The following LRP1B variants were observed in gnomAD, a reference collection of about 807,000 sequenced individuals.
LRP1B encodes low-density lipoprotein receptor-related protein 1B.
Under a neutral mutation model 556.6 loss-of-function variants are expected in LRP1B, and 217 were observed. That is an observed-to-expected ratio of 0.39 (90% CI 0.35 to 0.44). LRP1B has a LOEUF of 0.44. Among genes scored for constraint, LRP1B ranks in the 20% least tolerant of loss-of-function variants. The pLI is 1.00. For synonymous variants in LRP1B, 2,047 were observed against 1,865.8 expected (o/e 1.10, Z -2.50); for missense variants, 5,053 against 5,620.8 (o/e 0.90, Z 3.23).
chr2:141,934,784 C>T (rs961033605), intron 1 of LRP1B, among the ~76,000 whole-genome samples: 3 of 152,128 alleles, frequency 2.0e-5, no homozygotes, highest in Non-Finnish European at 2.9e-5. Context: ...GTTTGCTTAC[C>T]CTTCTGCCAT....
intron 2 of LRP1B, among the ~76,000 whole-genome samples, chr2:141,701,006 G>A (rs1166399485): frequency 2.6e-5 from 4 of 151,648 alleles, no homozygotes; most frequent in Non-Finnish European, 5.9e-5. Context: ...AAATTTCTTA[G>A]AATCTAATTC....
chr2:140,521,247 C>T (rs138957580), intron 49 of LRP1B, among the ~76,000 whole-genome samples: 188 of 152,108 alleles, frequency 1.2e-3, no homozygotes, highest in African/African-American at 4.0e-3. Flanking sequence ...GCACAGCACA[C>T]GGTCATTGGG....
intron 77 of LRP1B, among the ~76,000 whole-genome samples, chr2:140,344,840 G>GTATT (rs1681570736): frequency 2.0e-5 from 3 of 151,614 alleles, no homozygotes. Context: ...TGAGCCTGGG[G>GTATT]TATTTCATTA....
intron 1 of LRP1B, among the ~76,000 whole-genome samples, chr2:141,906,267 A>C (rs1169812221): frequency 1.3e-5 from 2 of 151,868 alleles, no homozygotes; most frequent in Non-Finnish European, 2.9e-5. Flanking sequence ...ACAGAACAAA[A>C]AAAAACAAAA....
At position 140,601,235 on chromosome 2, in the gene LRP1B, A is replaced by T. The variant is rs190636719; in HGVS notation, c.6989+215T>A. On this transcript the variant is annotated intron_variant, in intron 42 of 90. Coordinates refer to ENST00000389484, the MANE Select transcript of LRP1B (RefSeq NM_018557.3). ...CCTTTAATTATTTAAATTTGTTTTT[A>T]CTGGATCTCTCAGGAAGATGAAGCC... 7.5e-4 allele frequency among the ~76,000 whole-genome samples: 114 copies of T among 152,024 alleles called. 1 individual carries two copies. Among genetic ancestry groups the T allele is most frequent in the African/African-American group, 2.6e-3 (109 of 41,460 alleles).
At position 142,054,987 on chromosome 2, in the gene LRP1B, C is replaced by A. The variant is rs374201297; in HGVS notation, c.82+75661G>T. Among the ~76,000 whole-genome samples the A allele has an allele frequency of 5.3e-5, 8 of 152,028 alleles. No individual in the cohort carries two copies. The East Asian group carries it at 5.8e-4, about 11-fold the overall frequency. On this transcript the variant is annotated intron_variant, in intron 1 of 90. Transcript: ENST00000389484. Reference sequence around the variant, plus strand: ...AATCTTGTCTTTAGAGTTAGTGAGCCATAGAGAAAAGCTCACTGTGTGAGA... The same window carrying A: ...AATCTTGTCTTTAGAGTTAGTGAGCAATAGAGAAAAGCTCACTGTGTGAGA...
intron 27 of LRP1B, among the ~76,000 whole-genome samples, chr2:140,864,482 C>T (rs1167232315): frequency 6.6e-6 from 1 of 151,868 alleles, no homozygotes; most frequent in Admixed American, 6.6e-5. Context: ...CACATTGAGA[C>T]TAACAACTGT....
At position 140,494,990 on chromosome 2, in the gene LRP1B, C is replaced by T. The variant is rs560620146; in HGVS notation, c.9034+575G>A. Among the ~76,000 whole-genome samples the T allele has an allele frequency of 1.6e-4, 25 of 152,146 alleles. No individual in the cohort carries two copies. The South Asian group carries it at 4.8e-3, about 29-fold the overall frequency. On this transcript the variant is annotated intron_variant, in intron 56 of 90. Coordinates refer to ENST00000389484, the MANE Select transcript of LRP1B (RefSeq NM_018557.3). ...TATCATTTTAATATCTGTGATTTCT[C>T]TCCTAAAGAATTAAAGTTATGGGCC...
In LRP1B at chr2:141,421,528, C is replaced by CAAAA. The variant is rs34839214; in HGVS notation, c.343+58864_343+58867dup. 2.8e-3 allele frequency among the ~76,000 whole-genome samples: 388 copies of CAAAA among 138,254 alleles called. 4 individuals are homozygous for CAAAA. Among genetic ancestry groups the CAAAA allele is most frequent in the Middle Eastern group, 0.026 (7 of 268 alleles). The allele number at this position is 138,254 out of a possible 152,430, so 90.7% of individuals were successfully genotyped here. ...TGGGCGACAGAGCGAGACTCTGTCT[C>CAAAA]AAAAAAAAAAAAAAAAATTTACCTC... On this transcript the variant is annotated intron_variant, in intron 3 of 90. Transcript: ENST00000389484.
intron 3 of LRP1B, among the ~76,000 whole-genome samples, chr2:141,315,799 A>G (rs1420813893): frequency 3.5e-5 from 5 of 143,710 alleles, no homozygotes; most frequent in African/African-American, 1.3e-4. Flanking sequence ...GTTTTGTTTT[A>G]ATTGCCTCTG....
Position 141,055,210 on chromosome 2 carries a change from A to G in LRP1B, c.1458T>C (p.Cys486=), listed in dbSNP as rs773923902. The change falls in exon 10 of 91, where the codon TGT becomes TGC. Residue 486 remains cysteine, a synonymous_variant. Coordinates refer to ENST00000389484, the MANE Select transcript of LRP1B (RefSeq NM_018557.3). The part of the protein sequence containing the change: ...EVDPYGMPGG[C]SHICLLSSSY... ...TGCTGCTGAGTAGACAGATGTGTGA[A>G]CAGCCCCCTGGCATTCCATATGGAT... 1 of 1,612,168 alleles carries G rather than the reference A, an allele frequency of 6.2e-7. No individual in the cohort carries two copies. Among genetic ancestry groups the G allele is most frequent in the South Asian group, 1.1e-5 (1 of 90,960 alleles).
intron 87 of LRP1B, among the ~76,000 whole-genome samples, chr2:140,244,183 G>T (rs1048223145): frequency 6.6e-6 from 1 of 150,866 alleles, no homozygotes; most frequent in Middle Eastern, 3.2e-3. Context: ...ACATTATTTT[G>T]TTGTGTTTTT....
chr2:141,442,945 G>A (rs1681040396), intron 3 of LRP1B, among the ~76,000 whole-genome samples: 1 of 152,140 alleles, frequency 6.6e-6, no homozygotes, highest in Non-Finnish European at 1.5e-5. Context: ...TATATATCCA[G>A]TAATGGGATT....
chr2:140,964,858 G>T (rs1365409852), intron 18 of LRP1B, among the ~76,000 whole-genome samples: 1 of 152,178 alleles, frequency 6.6e-6, no homozygotes, highest in South Asian at 2.1e-4. Context: ...GGAGGCTGAG[G>T]CAGGAGAATC....
chr2:141,887,749 C>T (rs1482838733), intron 1 of LRP1B, among the ~76,000 whole-genome samples: 1 of 152,156 alleles, frequency 6.6e-6, no homozygotes, highest in Non-Finnish European at 1.5e-5. Context: ...CCACAAATAT[C>T]GATCATCACC....
chr2:141,763,567 TTTTTGTTAATG>T (rs1694633123), intron 2 of LRP1B, among the ~76,000 whole-genome samples: 1 of 152,152 alleles, frequency 6.6e-6, no homozygotes, highest in Non-Finnish European at 1.5e-5. Context: ...GATGGTAAGT[TTTTTGTTAATG>T]TTTTGTTTGT....
chr2:141,132,807 A>G (rs1701392487), intron 7 of LRP1B, among the ~76,000 whole-genome samples: 1 of 152,084 alleles, frequency 6.6e-6, no homozygotes, highest in Admixed American at 6.6e-5. Flanking sequence ...TGTGTGATAC[A>G]CAAATATAAA....
chr2:140,474,612 C>T (rs949908746), intron 60 of LRP1B, among the ~76,000 whole-genome samples: 2 of 151,824 alleles, frequency 1.3e-5, no homozygotes, highest in Admixed American at 1.3e-4. Flanking sequence ...CTGCTATATC[C>T]GTGTCATGTT....
chr2:140,350,654 C>T (rs1681915000), intron 77 of LRP1B, 143 bp downstream of exon 77: 2 of 684,434 alleles, frequency 2.9e-6, no homozygotes, highest in Non-Finnish European at 4.5e-6. Flanking sequence ...TAGAGAAATG[C>T]ATTATTTCTA....
Sources: allele counts gnomAD v4.1 joint callset (sites outside exome capture counted in the v4.1 genomes callset), GRCh38; gene constraint gnomAD v4.1.1; transcripts MANE v1.5; gene names NCBI Gene and HGNC (gene_info 2026-07-23, HGNC 2026-07-21).